KIAA0319: variants seen among roughly 807,000 people sequenced by gnomAD.
KIAA0319 encodes KIAA0319.
A neutral mutation model predicts 108.4 loss-of-function variants in KIAA0319; 83 were observed. The ratio of observed to expected loss-of-function variants is 0.77; its 90% CI spans 0.64 to 0.92. The LOEUF is 0.92. KIAA0319 is among the 40% of genes least tolerant of loss of function. The pLI is 0.00. For synonymous variants in KIAA0319, 484 were observed against 510.4 expected (o/e 0.95, Z 0.70); for missense variants, 1,195 against 1,322.4 (o/e 0.90, Z 1.49).
chr6:24,635,430 A>C (rs1019899768), intron 1 of KIAA0319, among the ~76,000 whole-genome samples: 1 of 152,122 alleles, frequency 6.6e-6, no homozygotes, highest in Non-Finnish European at 1.5e-5. Context: ...TGTAGGACTC[A>C]GCTTTTGGCT....
Position 24,633,796 on chromosome 6 carries a change from C to G in KIAA0319, c.-106+11940G>C, listed in dbSNP as rs368961028. Among the ~76,000 whole-genome samples the G allele has an allele frequency of 1.4e-4, 21 of 152,022 alleles. 1 individual carries two copies. In the South Asian group the frequency reaches 4.2e-3, roughly 30 times the overall value. On this transcript the variant is annotated intron_variant, in intron 1 of 20. Coordinates refer to ENST00000378214, the MANE Select transcript of KIAA0319 (RefSeq NM_014809.4). ...AAAAATCTTCTAAAATGTAAAACCC[C>G]AAATGACTTTTTATTCGGACTTATT...
chr6:24,595,917 C>T lies in KIAA0319; in HGVS notation c.757G>A (p.Ala253Thr), dbSNP rs373988895. ...SSGEVLEKEK[A>T]SQLQEQSSNS... Reference sequence around the variant, plus strand: ...CTGGATTGTTCCTGGAGCTGAGAAGCCTTTTCTTTCTCCAACACCTCTCCT... The same window carrying T: ...CTGGATTGTTCCTGGAGCTGAGAAGTCTTTTCTTTCTCCAACACCTCTCCT... The change falls in exon 3 of 21, where the codon GCT becomes ACT. Residue 253 changes from alanine (A) to threonine (T), a missense_variant. Transcript: ENST00000378214. 1.2e-6 allele frequency: 2 copies of T among 1,612,888 alleles called. No homozygotes were observed. The highest frequency in any genetic ancestry group is 1.7e-6 in the Non-Finnish European group (2 of 1,179,406).
chr6:24,606,107 G>C (rs1443720434), intron 1 of KIAA0319, among the ~76,000 whole-genome samples: 1 of 152,052 alleles, frequency 6.6e-6, no homozygotes, highest in African/African-American at 2.4e-5. Flanking sequence ...GCTAACTTTT[G>C]TACTTTTTTA....
Position 24,576,549 on chromosome 6 carries a change from G to C in KIAA0319, c.1553C>G (p.Ala518Gly), listed in dbSNP as rs768546498. The part of the protein sequence containing the change: ...SDGATNSTTA[A>G]LIVNNAVDYP... ...GTCCACAGCATTGTTCACTATTAGG[G>C]CTGCAGTTGTAGAGTTAGTGGCTCC... Residue 518 changes from alanine (A) to glycine (G), a missense_variant, in exon 10 of 21, where the codon GCC (alanine) becomes GGC (glycine). Ala to Gly is a moderately conservative substitution (Grantham distance 60). Coordinates refer to ENST00000378214, the MANE Select transcript of KIAA0319 (RefSeq NM_014809.4). 6.2e-7 allele frequency: 1 copy of C among 1,614,152 alleles called. No homozygotes were observed. The highest frequency in any genetic ancestry group is 8.5e-7 in the Non-Finnish European group (1 of 1,180,002).
chr6:24,621,855 G>C (rs1405067557), intron 1 of KIAA0319, among the ~76,000 whole-genome samples: 1 of 152,184 alleles, frequency 6.6e-6, no homozygotes, highest in Admixed American at 6.5e-5. Flanking sequence ...TCCAAGCCCT[G>C]AGCCAATGGA....
Position 24,585,058 on chromosome 6 carries a change from G to A in KIAA0319, c.995-1356C>T, listed in dbSNP as rs1767248920. 2.6e-5 allele frequency among the ~76,000 whole-genome samples: 4 copies of A among 152,272 alleles called. No individual in the cohort carries two copies. In the South Asian group the frequency reaches 8.3e-4, roughly 32 times the overall value. On this transcript the variant is annotated intron_variant, in intron 4 of 20. Transcript: ENST00000378214. ...GCCCACAGAAAAGCTCAGGAAACATGACCCTTACGTCTAGCATATTCTAAT... is the reference window on the plus strand; with the variant it reads ...GCCCACAGAAAAGCTCAGGAAACATAACCCTTACGTCTAGCATATTCTAAT...
Position 24,599,210 on chromosome 6 carries a change from T to C in KIAA0319, c.55+1839A>G. 1 of 524,032 alleles carries C rather than the reference T, an allele frequency of 1.9e-6. No homozygotes were observed. The highest frequency in any genetic ancestry group is 2.0e-5 in the South Asian group (1 of 49,488). 32.5% of individuals were successfully genotyped at this position (524,032 alleles called of 1,614,324 possible). A position where few individuals can be genotyped will look rare whatever the true frequency, so the allele number is the denominator to read the frequency against. On this transcript the variant is annotated intron_variant, in intron 2 of 20. Coordinates refer to ENST00000378214, the MANE Select transcript of KIAA0319 (RefSeq NM_014809.4). The surrounding 1 kb of genome is among the most constrained non-coding windows in gnomAD (Gnocchi z 4.1). Reference sequence around the variant, plus strand: ...CTGACAGCCTGTACCAGGTCAAGTATGAGGAGCTGCAGGCACTGGCTGGGA... The same window carrying C: ...CTGACAGCCTGTACCAGGTCAAGTACGAGGAGCTGCAGGCACTGGCTGGGA...
Position 24,568,723 on chromosome 6 carries a change from G to T in KIAA0319, c.2140+58C>A. ...TCTGAATAGTCATGGCCTGGCTGAG[G>T]GTCCTGCAGACTCGAAAGCAGAGCA... On this transcript the variant is annotated intron_variant, in intron 13 of 20. Transcript: ENST00000378214. 2.6e-6 allele frequency: 4 copies of T among 1,527,890 alleles called. No homozygotes were observed. The Middle Eastern group carries it at 6.7e-4, about 256-fold the overall frequency. The allele number at this position is 1,527,890 out of a possible 1,614,324, so 94.6% of individuals were successfully genotyped here.
At chr6:24,575,610 G>C (rs936956421) in intron 10 of KIAA0319, among the ~76,000 whole-genome samples, 1 of 152,198 alleles carries the variant, frequency 6.6e-6, no homozygotes, top group African/African-American at 2.4e-5. Flanking sequence ...GCATGTTCCA[G>C]GAACACTGGA....
chr6:24,598,191 C>T (rs1263974965), intron 2 of KIAA0319: 3 of 473,852 alleles, frequency 6.3e-6, no homozygotes, highest in African/African-American at 2.0e-5. Context: ...TGGGTGGAGG[C>T]TATGGCGGGA....
intron 6 of KIAA0319, among the ~76,000 whole-genome samples, chr6:24,581,321 T>C (rs1766507905): frequency 6.6e-6 from 1 of 152,140 alleles, no homozygotes; most frequent in African/African-American, 2.4e-5. Context: ...TTTTACCACC[T>C]AGCTCTGGTG....
At chr6:24,554,426 G>T in intron 19 of KIAA0319, 115 bp downstream of exon 19, 1 of 742,992 alleles carries the variant, frequency 1.3e-6, no homozygotes, top group Non-Finnish European at 2.3e-6. Flanking sequence ...GGCAGAAAGT[G>T]CATTATTATA....
chr6:24,601,469 G>A (rs549156575), intron 1 of KIAA0319, among the ~76,000 whole-genome samples: 1 of 152,298 alleles, frequency 6.6e-6, no homozygotes, highest in South Asian at 2.1e-4. Flanking sequence ...AAAAGCAAAG[G>A]CTATTTATTC....
At chr6:24,635,098 T>C (rs1047219581) in intron 1 of KIAA0319, among the ~76,000 whole-genome samples, 2 of 151,726 alleles carry the variant, frequency 1.3e-5, no homozygotes, top group Non-Finnish European at 2.9e-5. Context: ...GCAGTTTATT[T>C]TCTTTCTTTC....
In KIAA0319 at chr6:24,601,053, A is replaced by G. The variant is rs930567326; in HGVS notation, c.51T>C (p.Ile17=). Residue 17 remains isoleucine, a synonymous_variant, in exon 2 of 21, where the codon ATT becomes ATC. Transcript: ENST00000378214. ...VLSSLLLLVT[I]AGCARKQCSE... ...TCCAGGGTAGTAGTTCCCTACCTGC[A>G]ATTGTCACCAGCAGCAGCAATGAAG... 5.0e-6 allele frequency: 8 copies of G among 1,614,022 alleles called. No individual in the cohort carries two copies. The highest frequency in any genetic ancestry group is 6.8e-6 in the Non-Finnish European group (8 of 1,179,990).
At chr6:24,572,807 G>C (rs947439456) in intron 10 of KIAA0319, 109 bp from the exon 11 acceptor site, 1 of 1,099,986 alleles carries the variant, frequency 9.1e-7, no homozygotes, top group East Asian at 2.8e-5. Context: ...TTAATACAGA[G>C]ATCTTGCTCA....
At chr6:24,625,665 A>G (rs1405725520) in intron 1 of KIAA0319, among the ~76,000 whole-genome samples, 1 of 152,214 alleles carries the variant, frequency 6.6e-6, no homozygotes, top group Non-Finnish European at 1.5e-5. Flanking sequence ...ATGATCTTAT[A>G]TACAGAAAAT....
In KIAA0319 at chr6:24,579,965, A is replaced by G; in HGVS notation, c.1280-15T>C. On this transcript the variant is annotated splice_polypyrimidine_tract_variant and intron_variant, in intron 7 of 20. Coordinates refer to ENST00000378214, the MANE Select transcript of KIAA0319 (RefSeq NM_014809.4). Reference sequence around the variant, plus strand: ...GACTCTTCTGGCTGTAACAAAAAAAAGGACAGTGACTGAGCCCATCTTGTG... The same window carrying G: ...GACTCTTCTGGCTGTAACAAAAAAAGGGACAGTGACTGAGCCCATCTTGTG... 1 of 1,571,906 alleles carries G rather than the reference A, an allele frequency of 6.4e-7. No individual in the cohort carries two copies. Among genetic ancestry groups the G allele is most frequent in the Non-Finnish European group, 8.7e-7 (1 of 1,154,718 alleles).
chr6:24,565,093 A>G (rs1022253584), intron 14 of KIAA0319, among the ~76,000 whole-genome samples: 1 of 152,014 alleles, frequency 6.6e-6, no homozygotes, highest in Non-Finnish European at 1.5e-5. Flanking sequence ...TAAAAATACA[A>G]TACAAAAAAA....
Sources: allele counts gnomAD v4.1 joint callset (sites outside exome capture counted in the v4.1 genomes callset), GRCh38; gene constraint gnomAD v4.1.1; non-coding constraint Gnocchi (gnomAD v3.1); transcripts MANE v1.5; gene names NCBI Gene and HGNC (gene_info 2026-07-23, HGNC 2026-07-21).